NRG1: variants seen among roughly 807,000 people sequenced by gnomAD.
The protein encoded by NRG1 is pro-neuregulin-1, membrane-bound isoform.
NRG1 carries 18 observed loss-of-function variants against 63.8 expected under a neutral mutation model. The observed-to-expected ratio is 0.28, with a 90% CI of 0.19 to 0.42. NRG1 has a LOEUF of 0.42. Among genes scored for constraint, NRG1 ranks in the 10% least tolerant of loss-of-function variants. NRG1 has a pLI of 1.00. For missense variants in NRG1, 762 were observed against 814.7 expected (o/e 0.94, Z 0.79); for synonymous variants, 302 against 301.3 (o/e 1.00, Z -0.02).
chr8:31,821,955 C>T (rs1033465329), intron 1 of NRG1, among the ~76,000 whole-genome samples: 2 of 152,200 alleles, frequency 1.3e-5, no homozygotes, highest in African/African-American at 4.8e-5. Context: ...CCAAGTATTA[C>T]TGTAAACTAC....
intron 1 of NRG1, among the ~76,000 whole-genome samples, chr8:31,928,241 C>A (rs1834556543): frequency 6.7e-6 from 1 of 148,430 alleles, no homozygotes; most frequent in East Asian, 2.0e-4. Flanking sequence ...TTGGCCATCA[C>A]TAATCATGAG....
At chr8:32,162,469 A>G (rs1048685656) in intron 1 of NRG1, among the ~76,000 whole-genome samples, 4 of 152,188 alleles carry the variant, frequency 2.6e-5, no homozygotes, top group Non-Finnish European at 4.4e-5. Flanking sequence ...TGGTGTAATC[A>G]TTGTTTTTTT....
At chr8:31,652,777 GAT>G (rs1804981318) in intron 1 of NRG1, among the ~76,000 whole-genome samples, 1 of 152,200 alleles carries the variant, frequency 6.6e-6, no homozygotes. Context: ...ATGACTTAGA[GAT>G]ATGTTTATAT....
intron 1 of NRG1, among the ~76,000 whole-genome samples, chr8:31,820,458 G>A (rs1322926702): frequency 1.3e-5 from 2 of 152,190 alleles, no homozygotes; most frequent in Non-Finnish European, 2.9e-5. Flanking sequence ...CTCAGGAACA[G>A]TTCATTGTCT....
chr8:31,964,614 A>G (rs1047124121), intron 1 of NRG1, among the ~76,000 whole-genome samples: 1 of 152,146 alleles, frequency 6.6e-6, no homozygotes, highest in African/African-American at 2.4e-5. Flanking sequence ...GCAGTGAGCC[A>G]TGACAGCACC....
At chr8:32,103,957 A>G (rs913883870) in intron 1 of NRG1, among the ~76,000 whole-genome samples, 2 of 152,198 alleles carry the variant, frequency 1.3e-5, no homozygotes, top group African/African-American at 4.8e-5. Context: ...CACCTGCTAA[A>G]AGAGGAAAAC....
chr8:32,258,769 A>G (rs1047984301), intron 1 of NRG1, among the ~76,000 whole-genome samples: 2 of 152,144 alleles, frequency 1.3e-5, no homozygotes, highest in African/African-American at 2.4e-5. Flanking sequence ...CTCTCCACAC[A>G]TGGGGATTAT....
chr8:31,874,954 A>G (rs1324982837), intron 1 of NRG1, among the ~76,000 whole-genome samples: 1 of 152,210 alleles, frequency 6.6e-6, no homozygotes, highest in Admixed American at 6.5e-5. Context: ...ATCAGTATCA[A>G]GCAAATAACA....
chr8:32,118,078 G>T (rs1388666533), intron 1 of NRG1, among the ~76,000 whole-genome samples: 2 of 152,026 alleles, frequency 1.3e-5, no homozygotes, highest in Admixed American at 6.6e-5. Context: ...ATACACTTGA[G>T]AAATTGACTC....
At chr8:32,360,138 T>C (rs75988916) in intron 1 of NRG1, among the ~76,000 whole-genome samples, 8,568 of 152,328 alleles carry the variant, frequency 0.056, 316 homozygotes, top group Middle Eastern at 0.099. Context: ...TCTTTTTCAA[T>C]GGCAATTTCA....
upstream of NRG1, among the ~76,000 whole-genome samples, chr8:32,544,591 C>T (rs1832889447): frequency 6.6e-6 from 1 of 151,380 alleles, no homozygotes; most frequent in African/African-American, 2.4e-5. Flanking sequence ...CAGCCTCAAC[C>T]TCCCAGGGCT....
chr8:32,069,482 G>T (rs1336672767), intron 1 of NRG1, among the ~76,000 whole-genome samples: 2 of 152,176 alleles, frequency 1.3e-5, no homozygotes, highest in Admixed American at 6.5e-5. Flanking sequence ...GAATTAAATA[G>T]AACTTTCTAG....
At chr8:32,044,283 G>A (rs141591468) in intron 1 of NRG1, among the ~76,000 whole-genome samples, 9 of 151,940 alleles carry the variant, frequency 5.9e-5, no homozygotes, top group Non-Finnish European at 1.3e-4. Context: ...GTAGCAAACA[G>A]CATAGCATCA....
chr8:32,347,989 C>T (rs192560034), intron 1 of NRG1, among the ~76,000 whole-genome samples: 3 of 152,312 alleles, frequency 2.0e-5, no homozygotes, highest in Admixed American at 2.0e-4. Context: ...AAGCTGTGGA[C>T]TGTGTTTACA....
chr8:31,900,926 A>G (rs1832023486), intron 1 of NRG1, among the ~76,000 whole-genome samples: 1 of 152,234 alleles, frequency 6.6e-6, no homozygotes, highest in Admixed American at 6.5e-5. Context: ...AGATGTTTCT[A>G]CTGAAGCCCA....
intron 1 of NRG1, among the ~76,000 whole-genome samples, chr8:32,383,988 A>G (rs1344531674): frequency 6.6e-6 from 1 of 152,206 alleles, no homozygotes; most frequent in Non-Finnish European, 1.5e-5. Flanking sequence ...TAATCCCAGC[A>G]TTTTGGGAGG....
intron 1 of NRG1, among the ~76,000 whole-genome samples, chr8:31,906,991 A>G (rs1832569096): frequency 6.6e-6 from 1 of 152,218 alleles, no homozygotes; most frequent in African/African-American, 2.4e-5. Flanking sequence ...AAGTCAGAAG[A>G]TAAAATACAG....
chr8:32,541,847 G>C (rs1196740452), intron 1 of NRG1, among the ~76,000 whole-genome samples: 2 of 152,190 alleles, frequency 1.3e-5, no homozygotes, highest in South Asian at 2.1e-4. Flanking sequence ...TAAAATATTA[G>C]AGAGATTAAA....
chr8:32,102,000 A>G (rs551185754), intron 1 of NRG1, among the ~76,000 whole-genome samples: 2 of 152,216 alleles, frequency 1.3e-5, no homozygotes, highest in African/African-American at 4.8e-5. Flanking sequence ...TTGCATTTAG[A>G]CTTGAGCAGT....
Sources: allele counts gnomAD v4.1 joint callset (sites outside exome capture counted in the v4.1 genomes callset), GRCh38; gene constraint gnomAD v4.1.1; transcripts MANE v1.5; gene names NCBI Gene and HGNC (gene_info 2026-07-23, HGNC 2026-07-21).